SLC44A5: variants seen among roughly 807,000 people sequenced by gnomAD.
SLC44A5 encodes the protein solute carrier family 44 member 5.
SLC44A5 carries 57 observed loss-of-function variants against 101.8 expected under a neutral mutation model. That is an observed-to-expected ratio of 0.56 (90% CI 0.45 to 0.70). The LOEUF is 0.70. Among genes scored for constraint, SLC44A5 ranks in the 30% least tolerant of loss-of-function variants. The pLI is 0.00. For synonymous variants in SLC44A5, 281 were observed against 290.9 expected (o/e 0.97, Z 0.35); for missense variants, 737 against 853.1 (o/e 0.86, Z 1.70).
At chr1:75,592,768 G>A (rs12239378) in intron 1 of SLC44A5, among the ~76,000 whole-genome samples, 1 of 151,904 alleles carries the variant, frequency 6.6e-6, no homozygotes, top group Admixed American at 6.6e-5. Context: ...TCAACAAATG[G>A]TGCTGGGAAA....
At chr1:75,376,269 C>T (rs1179319595) in intron 3 of SLC44A5, among the ~76,000 whole-genome samples, 10 of 152,206 alleles carry the variant, frequency 6.6e-5, no homozygotes, top group Non-Finnish European at 1.2e-4. Flanking sequence ...GAGGGGCGCC[C>T]GCCATTGCCC....
rs923626362 is a variant in SLC44A5 at position 75,254,519 on chromosome 1, C to A, written c.261-3225G>T. Among the ~76,000 whole-genome samples the A allele has an allele frequency of 2.7e-4, 41 of 152,144 alleles. 1 individual carries two copies. Among genetic ancestry groups the A allele is most frequent in the African/African-American group, 8.2e-4 (34 of 41,400 alleles). Reference sequence around the variant, plus strand: ...GTATCAGGCACTTAAGCCTATCTCTCTTCTTTCCTGAGACTCATCGGAATA... The same window carrying A: ...GTATCAGGCACTTAAGCCTATCTCTATTCTTTCCTGAGACTCATCGGAATA... On this transcript the variant is annotated intron_variant, in intron 6 of 23. Coordinates refer to ENST00000370859, the MANE Select transcript of SLC44A5 (RefSeq NM_001130058.2).
the SLC44A5 span, among the ~76,000 whole-genome samples, chr1:75,657,400 TTAGCCAGGTA>T: frequency 6.6e-6 from 1 of 151,866 alleles, no homozygotes; most frequent in East Asian, 1.9e-4. Context: ...AATACAAAAA[TTAGCCAGGTA>T]TAGTGGCACA....
At chr1:75,227,611 A>C in intron 13 of SLC44A5, 115 bp downstream of exon 13, 4 of 738,206 alleles carry the variant, frequency 5.4e-6, no homozygotes, top group Non-Finnish European at 8.1e-6. Context: ...ATTACTTTTT[A>C]TGACACTAGT....
intron 2 of SLC44A5, among the ~76,000 whole-genome samples, chr1:75,475,869 G>A (rs911860792): frequency 6.6e-6 from 1 of 152,208 alleles, no homozygotes; most frequent in African/African-American, 2.4e-5. Flanking sequence ...TTCTTCATCT[G>A]TAAAATGGAG....
At chr1:75,314,261 T>C (rs902736436) in intron 4 of SLC44A5, among the ~76,000 whole-genome samples, 8 of 152,142 alleles carry the variant, frequency 5.3e-5, no homozygotes, top group Non-Finnish European at 1.2e-4. Flanking sequence ...TTACTAGACT[T>C]AGAGAATTTA....
intron 2 of SLC44A5, among the ~76,000 whole-genome samples, chr1:75,462,659 G>A (rs1046181858): frequency 6.7e-6 from 1 of 150,154 alleles, no homozygotes; most frequent in African/African-American, 2.4e-5. Context: ...AATTCAAAAT[G>A]CTATCAGAAA....
chr1:75,659,451 A>AG, the SLC44A5 span, among the ~76,000 whole-genome samples: 12,503 of 42,906 alleles, frequency 0.29, 1,041 homozygotes, highest in Non-Finnish European at 0.38. Flanking sequence ...GAGGGAAGGA[A>AG]GGAAGGAAGG....
chr1:75,495,558 A>G (rs1668627611), intron 2 of SLC44A5, among the ~76,000 whole-genome samples: 1 of 152,064 alleles, frequency 6.6e-6, no homozygotes, highest in African/African-American at 2.4e-5. Flanking sequence ...AGAAAACAGA[A>G]AAGTACCAGG....
At chr1:75,240,953 A>G (rs1209269881) in intron 9 of SLC44A5, among the ~76,000 whole-genome samples, 1 of 152,024 alleles carries the variant, frequency 6.6e-6, no homozygotes, top group African/African-American at 2.4e-5. Flanking sequence ...ATACATGTTT[A>G]TCATTATAAG....
intron 2 of SLC44A5, among the ~76,000 whole-genome samples, chr1:75,539,366 T>C (rs1337019700): frequency 6.6e-6 from 1 of 151,368 alleles, no homozygotes; most frequent in African/African-American, 2.4e-5. Context: ...TCTCTTTTAA[T>C]AATATCTAGC....
chr1:75,213,395 C>G (rs1646896828), intron 22 of SLC44A5, among the ~76,000 whole-genome samples: 1 of 152,126 alleles, frequency 6.6e-6, no homozygotes. Context: ...TTTGCCGAAG[C>G]CCTAAGCCCC....
At chr1:75,489,046 C>T (rs1668300681) in intron 2 of SLC44A5, among the ~76,000 whole-genome samples, 1 of 151,960 alleles carries the variant, frequency 6.6e-6, no homozygotes, top group African/African-American at 2.4e-5. Context: ...TAGGGTTTCT[C>T]CATGTTGGTC....
intron 1 of SLC44A5, among the ~76,000 whole-genome samples, chr1:75,558,312 C>G (rs908980441): frequency 1.3e-5 from 2 of 152,012 alleles, no homozygotes; most frequent in African/African-American, 4.8e-5. Flanking sequence ...AAGTTACTTG[C>G]TAGGACAAAA....
At chr1:75,616,295 C>G in the SLC44A5 span, among the ~76,000 whole-genome samples, 1 of 152,066 alleles carries the variant, frequency 6.6e-6, no homozygotes, top group African/African-American at 2.4e-5. Context: ...CCCATCCAAC[C>G]GGCTACCGCG....
chr1:75,365,551 G>A (rs1339958212), intron 3 of SLC44A5, among the ~76,000 whole-genome samples: 1 of 152,104 alleles, frequency 6.6e-6, no homozygotes, highest in Non-Finnish European at 1.5e-5. Flanking sequence ...ATACCCAAAG[G>A]AATATAAATC....
chr1:75,207,568 G>A (rs1344506825), intron 23 of SLC44A5, among the ~76,000 whole-genome samples: 1 of 152,062 alleles, frequency 6.6e-6, no homozygotes, highest in Non-Finnish European at 1.5e-5. Context: ...GGAATGGTTG[G>A]GTCATTGGTT....
the SLC44A5 span, among the ~76,000 whole-genome samples, chr1:75,637,017 T>C: frequency 6.6e-6 from 1 of 152,052 alleles, no homozygotes; most frequent in African/African-American, 2.4e-5. Context: ...ACCAATATGG[T>C]AATCATTAGC....
At chr1:75,433,958 A>G (rs1362307717) in intron 2 of SLC44A5, among the ~76,000 whole-genome samples, 1 of 152,118 alleles carries the variant, frequency 6.6e-6, no homozygotes, top group Non-Finnish European at 1.5e-5. Context: ...AGCTCTCATG[A>G]GACTTATTCA....
Sources: gnomAD v4.1 joint callset for allele counts (sites outside exome capture counted in the v4.1 genomes callset) on GRCh38, gnomAD v4.1.1 for gene constraint, MANE v1.5 for transcripts, NCBI Gene and HGNC (gene_info 2026-07-23, HGNC 2026-07-21) for gene names.